VPS13D: variants seen among roughly 807,000 people sequenced by gnomAD.
VPS13D encodes the protein vacuolar protein sorting 13 homolog D, also known as intermembrane lipid transfer protein VPS13D.
Under a neutral mutation model 461.9 loss-of-function variants are expected in VPS13D, and 187 were observed. The observed-to-expected ratio is 0.40, with a 90% confidence interval of 0.36 to 0.46. The LOEUF is 0.46. Among genes scored for constraint, VPS13D ranks in the 20% least tolerant of loss-of-function variants. The pLI is 0.60. For synonymous variants in VPS13D, 1,951 were observed against 1,986.3 expected, an observed-to-expected ratio of 0.98 and a Z score of 0.47; for missense variants, 4,711 against 5,364.9, an observed-to-expected ratio of 0.88 and a Z score of 3.81.
intron 1 of VPS13D, among the ~76,000 whole-genome samples, chr1:12,230,560 T>C (rs1235914014): frequency 2.0e-5 from 3 of 152,134 alleles, no homozygotes; most frequent in Non-Finnish European, 4.4e-5. Context: ...AGGACCCCAG[T>C]GTGCGAGCCC....
At position 12,338,303 on chromosome 1, in the gene VPS13D, G is replaced by A; in HGVS notation, c.8624G>A (p.Arg2875Lys). ...LTNLEHQIYA[R>K]AEVKTPKRRQ... ...AACCTAGAGCACCAGATCTATGCTA[G>A]AGGTACAGTATAGCCAAGCGAGGGC... The change falls in exon 40 of 70, where the codon AGA becomes AAA. Residue 2875 changes from arginine (R) to lysine (K), a missense_variant and splice_region_variant. Coordinates refer to ENST00000620676, the MANE Select transcript of VPS13D (RefSeq NM_015378.4). 1 of 1,613,234 alleles carries A rather than the reference G, an allele frequency of 6.2e-7. No homozygotes were observed. Among genetic ancestry groups the A allele is most frequent in the Non-Finnish European group, 8.5e-7 (1 of 1,179,384 alleles).
At chr1:12,359,845 T>C (rs965918652) in intron 50 of VPS13D, among the ~76,000 whole-genome samples, 10 of 152,364 alleles carry the variant, frequency 6.6e-5, no homozygotes, top group East Asian at 1.9e-4. Context: ...TCTTAACTTG[T>C]TCTCACTTTC....
chr1:12,351,612 GAC>G (rs551634045), intron 46 of VPS13D, among the ~76,000 whole-genome samples: 281 of 149,956 alleles, frequency 1.9e-3, no homozygotes, highest in Middle Eastern at 0.01. Flanking sequence ...TTTTGATTGA[GAC>G]AGAGTCTTGC....
intron 46 of VPS13D, among the ~76,000 whole-genome samples, chr1:12,350,218 A>G (rs1643764400): frequency 6.6e-6 from 1 of 152,198 alleles, no homozygotes; most frequent in Non-Finnish European, 1.5e-5. Context: ...TTATATACAG[A>G]TTATACATTC....
At position 12,341,867 on chromosome 1, in the gene VPS13D, T is replaced by C; in HGVS notation, c.8714T>C (p.Leu2905Pro). The change falls in exon 41 of 70, where the codon CTG (leucine) becomes CCG (proline). Residue 2905 changes from leucine to proline, a missense_variant. This residue lies in a region of VPS13D where 4,411 missense variants were observed against 4,937.8 expected (regional missense o/e 0.89). Transcript: ENST00000620676. ...GGGTGCACTTTGTGGTTTGCCACCC[T>C]GACCACCACACCCACCAGGTAAGCA... ...HTGCTLWFAT[L>P]TTTPTRAALS... The C allele has an allele frequency of 6.2e-7, 1 of 1,614,028 alleles. No homozygotes were observed. Among genetic ancestry groups the C allele is most frequent in the Non-Finnish European group, 8.5e-7 (1 of 1,179,920 alleles).
intron 37 of VPS13D, among the ~76,000 whole-genome samples, chr1:12,331,095 A>C (rs1053011552): frequency 8.5e-5 from 13 of 152,344 alleles, no homozygotes; most frequent in African/African-American, 2.6e-4. Context: ...TGAAAGACCA[A>C]GGTAAGAGCC....
At chr1:12,246,169 C>A (rs79163128) in intron 5 of VPS13D, among the ~76,000 whole-genome samples, 1,800 of 152,160 alleles carry the variant, frequency 0.012, 20 homozygotes, top group Middle Eastern at 0.065. Flanking sequence ...AGGCGTTGGT[C>A]GCTGTGAATG....
chr1:12,354,175 G>C lies in VPS13D; in HGVS notation c.9633G>C (p.Lys3211Asn). ...TTAATGGGACGCTGAAACCTGGCAA[G>C]GAGGCAGCTCTCCATACAGCTGATA... ...MPINGTLKPG[K>N]EAALHTADTS... The change falls in exon 47 of 70, where the codon AAG becomes AAC. Residue 3211 changes from lysine to asparagine, a missense_variant. By Grantham distance (94) the Lys-to-Asn change is moderately conservative. Coordinates refer to ENST00000620676, the MANE Select transcript of VPS13D (RefSeq NM_015378.4). The C allele has an allele frequency of 6.2e-7, 1 of 1,614,186 alleles. No individual in the cohort carries two copies. Among genetic ancestry groups the C allele is most frequent in the East Asian group, 2.2e-5 (1 of 44,886 alleles).
At chr1:12,243,168 T>G (rs1396075418) in intron 3 of VPS13D, among the ~76,000 whole-genome samples, 1 of 152,130 alleles carries the variant, frequency 6.6e-6, no homozygotes, top group Non-Finnish European at 1.5e-5. Flanking sequence ...TTGGCCAGGC[T>G]GGTCTTGAAC....
chr1:12,327,982 T>C (rs1643234758), intron 36 of VPS13D, 128 bp downstream of exon 36: 1 of 953,442 alleles, frequency 1.0e-6, no homozygotes, highest in Admixed American at 3.1e-5. Context: ...ATAATAGTTT[T>C]ACATATGTTT....
intron 65 of VPS13D, among the ~76,000 whole-genome samples, chr1:12,437,052 G>A (rs750271719): frequency 2.0e-5 from 3 of 150,502 alleles, no homozygotes; most frequent in Non-Finnish European, 3.0e-5. Flanking sequence ...CTGTCACACC[G>A]TGTGTGTGTG....
At chr1:12,339,648 A>G (rs909588268) in intron 40 of VPS13D, among the ~76,000 whole-genome samples, 26 of 152,260 alleles carry the variant, frequency 1.7e-4, no homozygotes, top group African/African-American at 6.0e-4. Flanking sequence ...GCAAGTACAT[A>G]GTTTATTTGG....
intron 20 of VPS13D, among the ~76,000 whole-genome samples, chr1:12,281,325 C>T (rs1569790501): frequency 6.6e-6 from 1 of 152,258 alleles, no homozygotes; most frequent in East Asian, 1.9e-4. Flanking sequence ...GGAAGCATTG[C>T]ATTTGGGTGA....
chr1:12,361,268 A>G (rs983497796), intron 50 of VPS13D, among the ~76,000 whole-genome samples: 44 of 152,158 alleles, frequency 2.9e-4, no homozygotes, highest in African/African-American at 9.9e-4. Context: ...ATTTTTATCA[A>G]TGGGTGACCA....
Position 12,507,730 on chromosome 1 carries a change from A to AT in VPS13D, c.13035+639dup, listed in dbSNP as rs976575839. Among the ~76,000 whole-genome samples the AT allele has an allele frequency of 6.6e-5, 10 of 152,196 alleles. No homozygotes were observed. The highest frequency in any genetic ancestry group is 2.4e-4 in the African/African-American group (10 of 41,452). On this transcript the variant is annotated intron_variant, in intron 69 of 69. Transcript: ENST00000620676. This position sits in a 1 kb window ranked among gnomAD's most constrained non-coding sequence, Gnocchi z 5.3. ...TCCTCACTATTGGTCATAGCAGGTG[A>AT]TTCATTCAAGGCTACACAGCTGACC...
chr1:12,241,304 A>G (rs2101198836), intron 2 of VPS13D, among the ~76,000 whole-genome samples: 1 of 152,274 alleles, frequency 6.6e-6, no homozygotes, highest in South Asian at 2.1e-4. Flanking sequence ...AGGGAAACAT[A>G]ATCATGTTTT....
chr1:12,368,953 C>T (rs1236129195), intron 53 of VPS13D, among the ~76,000 whole-genome samples: 1 of 152,140 alleles, frequency 6.6e-6, no homozygotes, highest in Non-Finnish European at 1.5e-5. Context: ...TGCTTAGTTA[C>T]AGTGAGCATT....
intron 21 of VPS13D, 54 bp downstream of exon 21, chr1:12,283,790 T>A (rs1238831913): frequency 2.7e-6 from 4 of 1,499,886 alleles, no homozygotes; most frequent in African/African-American, 1.4e-5. Context: ...TTTGGGCTTG[T>A]TGATTTAAAT....
At chr1:12,454,583 A>G (rs1431952734) in intron 65 of VPS13D, among the ~76,000 whole-genome samples, 4 of 152,200 alleles carry the variant, frequency 2.6e-5, no homozygotes, top group Admixed American at 2.0e-4. Flanking sequence ...CTTTACATGG[A>G]ATTGCTGCTG....
Sources: gnomAD v4.1 joint callset for allele counts (sites outside exome capture counted in the v4.1 genomes callset) on GRCh38, gnomAD v4.1.1 for gene constraint, gnomAD v4.1.1 regional missense constraint, Gnocchi (gnomAD v3.1) non-coding constraint, MANE v1.5 for transcripts, NCBI Gene and HGNC (gene_info 2026-07-23, HGNC 2026-07-21) for gene names.